Variants in GAL3ST2 observed in about 807,000 individuals in gnomAD.
The protein encoded by GAL3ST2 is beta-galactose-3-O-sulfotransferase 2.
GAL3ST2 carries 16 observed loss-of-function variants against 12.9 expected under a neutral mutation model. The ratio of observed to expected loss-of-function variants is 1.24; its 90% CI spans 0.84 to 1.88. GAL3ST2 has a LOEUF of 1.88. Among genes scored for constraint, GAL3ST2 ranks in the 40% most tolerant of loss-of-function variants. GAL3ST2 has a pLI of 0.00. For missense variants in GAL3ST2, 639 were observed against 571.8 expected, an observed-to-expected ratio of 1.12 and a Z score of -1.20; for synonymous variants, 302 against 273.9, an observed-to-expected ratio of 1.10 and a Z score of -1.01.
At chr2:241,797,655 C>T (rs867901956) in intron 1 of GAL3ST2, among the ~76,000 whole-genome samples, 39 of 151,610 alleles carry the variant, frequency 2.6e-4, no homozygotes, top group African/African-American at 9.3e-4. Flanking sequence ...GCTCCCATGG[C>T]AGCGCAGGAA....
Position 241,803,982 on chromosome 2 carries a change from G to A in GAL3ST2, c.1013G>A (p.Arg338His), listed in dbSNP as rs1266882923. 1.3e-6 allele frequency: 2 copies of A among 1,546,814 alleles called. No individual in the cohort carries two copies. The highest frequency in any genetic ancestry group is 1.9e-5 in the Admixed American group (1 of 51,918). Residue 338 changes from arginine to histidine, a missense_variant, in exon 4 of 4, where the codon CGC becomes CAC. Arg to His is a conservative substitution (Grantham distance 29). Coordinates refer to ENST00000192314, the MANE Select transcript of GAL3ST2 (RefSeq NM_022134.3). ...AACCACACGCAGATCAGAGACCCGC[G>A]CCTGCGCCCCTACCAGTCCGGCAAG... ...LKNHTQIRDPRLRPYQSGKAD... is the reference protein window; with the variant it reads ...LKNHTQIRDPHLRPYQSGKAD...
chr2:241,783,634 C>A lies in GAL3ST2; in HGVS notation c.29+6650C>A, dbSNP rs576868767. Reference sequence around the variant, plus strand: ...TATAACTTTAGATTCTAAATTATGACGTTTGTCTGCAAGTATTTATTCTAA... The same window carrying A: ...TATAACTTTAGATTCTAAATTATGAAGTTTGTCTGCAAGTATTTATTCTAA... On this transcript the variant is annotated intron_variant, in intron 1 of 3. Coordinates refer to ENST00000192314, the MANE Select transcript of GAL3ST2 (RefSeq NM_022134.3). Among the ~76,000 whole-genome samples, 195 of 152,036 alleles carry A rather than the reference C, an allele frequency of 1.3e-3. 2 individuals are homozygous for A. The highest frequency in any genetic ancestry group is 4.3e-3 in the African/African-American group (178 of 41,446).
In GAL3ST2 at chr2:241,804,206, C is replaced by T. The variant is rs1217475891; in HGVS notation, c.*40C>T. 1.5e-6 allele frequency: 2 copies of T among 1,356,142 alleles called. No homozygotes were observed. The highest frequency in any genetic ancestry group is 1.5e-5 in the African/African-American group (1 of 65,096). The allele number at this position is 1,356,142 out of a possible 1,614,324, so 84.0% of individuals were successfully genotyped here. On this transcript the variant is annotated 3_prime_UTR_variant, in exon 4 of 4. Transcript: ENST00000192314. ...GGACGAGGCCTCCTGCGGACACCAG[C>T]TCCTCTCTCCGCCGTCACCGGGGAG...
chr2:241,792,031 G>C (rs34255800), intron 1 of GAL3ST2, among the ~76,000 whole-genome samples: 32,622 of 103,112 alleles, frequency 0.32, 4,775 homozygotes, highest in African/African-American at 0.51. Flanking sequence ...TTTTTTTTCT[G>C]AGATGGAGTT....
chr2:241,793,340 C>CTGTA lies in GAL3ST2; in HGVS notation c.30-5717_30-5714dup, dbSNP rs901284985. ...TCCGTGTGTGTGTATGTGTATGTAT[C>CTGTA]TGTATGTATGTGTGTGTATTGTGTG... On this transcript the variant is annotated intron_variant, in intron 1 of 3. Transcript: ENST00000192314. The surrounding 1 kb of genome is among the most constrained non-coding windows in gnomAD (Gnocchi z 4.7). 6.6e-6 allele frequency among the ~76,000 whole-genome samples: 1 copy of CTGTA among 151,308 alleles called. No homozygotes were observed. Among genetic ancestry groups the CTGTA allele is most frequent in the Non-Finnish European group, 1.5e-5 (1 of 67,954 alleles).
chr2:241,796,167 G>A (rs1008272905), intron 1 of GAL3ST2, among the ~76,000 whole-genome samples: 3 of 152,192 alleles, frequency 2.0e-5, no homozygotes, highest in East Asian at 1.9e-4. Flanking sequence ...GTTGAAAGAC[G>A]CAGTCTTGGA....
rs1320120279 is a variant in GAL3ST2, at chr2:241,802,651, G to A, written c.375+615G>A. On this transcript the variant is annotated intron_variant, in intron 3 of 3. Transcript: ENST00000192314. The surrounding 1 kb of genome is among the most constrained non-coding windows in gnomAD (Gnocchi z 4.8). ...GGGCTGCGGGGCAGAGGGAGGAGGAGGGGCCGGGAGGAGGGGAAAGGAAGA... is the reference window on the plus strand; with the variant it reads ...GGGCTGCGGGGCAGAGGGAGGAGGAAGGGCCGGGAGGAGGGGAAAGGAAGA... 1.3e-5 allele frequency among the ~76,000 whole-genome samples: 2 copies of A among 150,766 alleles called. No homozygotes were observed. The highest frequency in any genetic ancestry group is 3.0e-5 in the Non-Finnish European group (2 of 67,526).
intron 1 of GAL3ST2, among the ~76,000 whole-genome samples, chr2:241,785,580 G>A (rs1385274591): frequency 4.7e-5 from 7 of 148,642 alleles, no homozygotes; most frequent in South Asian, 2.1e-4. Context: ...AAGCTGAGAC[G>A]AACTTGTCTG....
Position 241,802,149 on chromosome 2 carries a change from C to G in GAL3ST2, c.375+113C>G. 13 of 1,050,666 alleles carry G rather than the reference C, an allele frequency of 1.2e-5. No individual in the cohort carries two copies. The highest frequency in any genetic ancestry group is 3.0e-5 in the East Asian group (1 of 32,798). 65.1% of individuals were successfully genotyped at this position (1,050,666 alleles called of 1,614,324 possible). The stretch of plus-strand genomic sequence containing the variant: ...AGGAGTGTAAGGCTTGGGGGCGGGG[C>G]GTGCAGAAGGCGGGTTGGGAGGGCC... On this transcript the variant is annotated intron_variant, in intron 3 of 3. Coordinates refer to ENST00000192314, the MANE Select transcript of GAL3ST2 (RefSeq NM_022134.3). This position sits in a 1 kb window ranked among gnomAD's most constrained non-coding sequence, Gnocchi z 4.8.
chr2:241,778,935 C>T (rs924153641), intron 1 of GAL3ST2, among the ~76,000 whole-genome samples: 2 of 152,096 alleles, frequency 1.3e-5, no homozygotes, highest in Non-Finnish European at 2.9e-5. Flanking sequence ...CAGTCAGATA[C>T]GCATTTATCT....
chr2:241,800,894 A>C lies in GAL3ST2; in HGVS notation c.120-887A>C, dbSNP rs1454386563. 2 of 152,186 alleles carry C rather than the reference A, an allele frequency of 1.3e-5. No homozygotes were observed. Among genetic ancestry groups the C allele is most frequent in the Non-Finnish European group, 2.9e-5 (2 of 68,030 alleles). 9.4% of individuals were successfully genotyped at this position (152,186 alleles called of 1,614,324 possible). On this transcript the variant is annotated intron_variant, in intron 2 of 3. Coordinates refer to ENST00000192314, the MANE Select transcript of GAL3ST2 (RefSeq NM_022134.3). This position sits in a 1 kb window ranked among gnomAD's most constrained non-coding sequence, Gnocchi z 5.2. ...TGGCCTCAGGTCCCGTTGATAATGT[A>C]GCGTCTTATGGCCACAGTCAGTTCT...
At chr2:241,791,486 GTCCCTGTACAGGGT>G (rs1699693374) in intron 1 of GAL3ST2, among the ~76,000 whole-genome samples, 1 of 152,164 alleles carries the variant, frequency 6.6e-6, no homozygotes, top group African/African-American at 2.4e-5. Flanking sequence ...TGTCTACAGA[GTCCCTGTACAGGGT>G]TCCTGACCTG....
At chr2:241,803,162 C>T (rs895172353) in intron 3 of GAL3ST2, among the ~76,000 whole-genome samples, 183 bp from the exon 4 acceptor site, 2 of 152,214 alleles carry the variant, frequency 1.3e-5, no homozygotes, top group Admixed American at 1.3e-4. Context: ...GCAGGGCCTG[C>T]GTGTGGCCCT....
At chr2:241,794,339 T>G (rs781237505) in intron 1 of GAL3ST2, among the ~76,000 whole-genome samples, 17 of 152,228 alleles carry the variant, frequency 1.1e-4, no homozygotes, top group Non-Finnish European at 2.9e-5. Context: ...ACTGCTGTCC[T>G]GCAGGCGCTC....
rs1158552644 is a variant in GAL3ST2 at position 241,804,004 on chromosome 2, C to T, written c.1035C>T (p.Gly345=). Residue 345 remains glycine, a synonymous_variant, in exon 4 of 4, where the codon GGC becomes GGT. Transcript: ENST00000192314. ...RDPRLRPYQS[G]KADILGYNLR... is the part of the protein sequence containing the mutation. ...CGCGCCTGCGCCCCTACCAGTCCGGCAAGGCCGACATCCTGGGTTACAACC... is the reference window on the plus strand; with the variant it reads ...CGCGCCTGCGCCCCTACCAGTCCGGTAAGGCCGACATCCTGGGTTACAACC... The T allele has an allele frequency of 3.8e-6, 6 of 1,565,640 alleles. No homozygotes were observed. Among genetic ancestry groups the T allele is most frequent in the Non-Finnish European group, 5.2e-6 (6 of 1,158,616 alleles).
At chr2:241,777,941 ACATGGGAGG>A (rs1699513959) in intron 1 of GAL3ST2, among the ~76,000 whole-genome samples, 1 of 152,138 alleles carries the variant, frequency 6.6e-6, no homozygotes, top group African/African-American at 2.4e-5. Flanking sequence ...TGTGGGTGAG[ACATGGGAGG>A]CATTGCAGCC....
At position 241,803,623 on chromosome 2, in the gene GAL3ST2, G is replaced by A. The variant is rs3950224; in HGVS notation, c.654G>A (p.Glu218=). 1.3e-6 allele frequency: 2 copies of A among 1,557,336 alleles called. No homozygotes were observed. The highest frequency in any genetic ancestry group is 2.3e-5 in the South Asian group (2 of 85,198). The stretch of plus-strand genomic sequence containing the variant: ...TGCGCGCGCGCATCGCCGAGGTGGA[G>A]CGGCGCTTCCGGCTGGTGCTCATCG... ...GYVRARIAEV[E]RRFRLVLIAE... The change falls in exon 4 of 4, where the codon GAG becomes GAA. Residue 218 remains glutamate (E), a synonymous_variant. Transcript: ENST00000192314.
At position 241,803,450 on chromosome 2, in the gene GAL3ST2, T is replaced by G; in HGVS notation, c.481T>G (p.Phe161Val). Residue 161 changes from phenylalanine (F) to valine (V), a missense_variant, in exon 4 of 4, where the codon TTC becomes GTC. Phe to Val is a conservative substitution (Grantham distance 50). Transcript: ENST00000192314. ...CTACTACAAAACCTACGCCCCCGCCTTCCGGGGCGCCCCGAGCCTGGACGC... is the reference window on the plus strand; with the variant it reads ...CTACTACAAAACCTACGCCCCCGCCGTCCGGGGCGCCCCGAGCCTGGACGC... ...FIYYKTYAPAFRGAPSLDAFL... is the reference protein window; with the variant it reads ...FIYYKTYAPAVRGAPSLDAFL... 6.2e-7 allele frequency: 1 copy of G among 1,611,928 alleles called. No homozygotes were observed. The highest frequency in any genetic ancestry group is 8.5e-7 in the Non-Finnish European group (1 of 1,179,422).
intron 1 of GAL3ST2, among the ~76,000 whole-genome samples, chr2:241,779,660 C>A (rs953664523): frequency 1.3e-5 from 2 of 151,994 alleles, no homozygotes; most frequent in African/African-American, 4.8e-5. Context: ...CCACACTACT[C>A]TGAAGTCCAA....
Sources: allele counts gnomAD v4.1 joint callset (sites outside exome capture counted in the v4.1 genomes callset), GRCh38; gene constraint gnomAD v4.1.1; non-coding constraint Gnocchi (gnomAD v3.1); transcripts MANE v1.5; gene names NCBI Gene and HGNC (gene_info 2026-07-23, HGNC 2026-07-21).